Variants in TRAPPC9 observed in about 807,000 individuals in gnomAD.
TRAPPC9 encodes IKK2 binding protein.
A neutral mutation model predicts 124.0 loss-of-function variants in TRAPPC9; 83 were observed. The ratio of observed to expected loss-of-function variants is 0.67; its 90% CI spans 0.56 to 0.80. The LOEUF (loss-of-function observed/expected upper bound fraction) is 0.80. Among genes scored for constraint, TRAPPC9 ranks in the 30% least tolerant of loss-of-function variants. TRAPPC9 has a pLI of 0.00. For synonymous variants in TRAPPC9, 638 were observed against 617.5 expected (o/e 1.03, Z -0.49); for missense variants, 1,302 against 1,508.3 (o/e 0.86, Z 2.27).
At chr8:139,822,178 G>A (rs1231803193) in intron 21 of TRAPPC9, among the ~76,000 whole-genome samples, 1 of 152,136 alleles carries the variant, frequency 6.6e-6, no homozygotes, top group Non-Finnish European at 1.5e-5. Flanking sequence ...CGTGGGGGAG[G>A]AGAGGTGACT....
chr8:140,267,531 G>A (rs990293869), intron 15 of TRAPPC9, among the ~76,000 whole-genome samples: 5 of 152,106 alleles, frequency 3.3e-5, no homozygotes, highest in African/African-American at 7.2e-5. Context: ...ATAAACAGAC[G>A]ACCACCACCG....
At chr8:140,031,894 T>C (rs1427663758) in intron 17 of TRAPPC9, among the ~76,000 whole-genome samples, 6 of 152,164 alleles carry the variant, frequency 3.9e-5, no homozygotes, top group Non-Finnish European at 5.9e-5. Flanking sequence ...GGGGTATGTC[T>C]GGGGACTGTT....
intron 5 of TRAPPC9, among the ~76,000 whole-genome samples, chr8:140,423,606 A>ACAT (rs2070303639): frequency 6.6e-6 from 1 of 151,638 alleles, no homozygotes; most frequent in Admixed American, 6.6e-5. Flanking sequence ...ACACACACAC[A>ACAT]CACATCACAT....
intron 19 of TRAPPC9, among the ~76,000 whole-genome samples, chr8:139,946,575 A>T (rs1834232760): frequency 6.6e-6 from 1 of 152,138 alleles, no homozygotes; most frequent in Non-Finnish European, 1.5e-5. Flanking sequence ...TTAGCAAGGT[A>T]TGCCAGTGTC....
intron 3 of TRAPPC9, among the ~76,000 whole-genome samples, chr8:140,436,115 G>A (rs558073437): frequency 5.3e-4 from 81 of 152,332 alleles, no homozygotes; most frequent in Non-Finnish European, 1.0e-3. Flanking sequence ...GGAAGCCAAG[G>A]TGGGTGGATC....
At chr8:140,029,647 T>C (rs1255879585) in intron 17 of TRAPPC9, among the ~76,000 whole-genome samples, 1 of 149,610 alleles carries the variant, frequency 6.7e-6, no homozygotes, top group Admixed American at 6.7e-5. Context: ...TAAAAATATA[T>C]ATATATATAC....
At chr8:140,124,424 C>T (rs1403527179) in intron 17 of TRAPPC9, among the ~76,000 whole-genome samples, 1 of 152,236 alleles carries the variant, frequency 6.6e-6, no homozygotes, top group Non-Finnish European at 1.5e-5. Flanking sequence ...ACACTGGGCC[C>T]ATCTGGATGA....
intron 19 of TRAPPC9, among the ~76,000 whole-genome samples, chr8:139,917,187 T>C (rs921581659): frequency 5.4e-5 from 8 of 146,792 alleles, no homozygotes; most frequent in Non-Finnish European, 1.0e-4. Context: ...TTTTTTTTTT[T>C]TGTTGAGACG....
chr8:140,185,160 C>T (rs966481371), intron 17 of TRAPPC9, among the ~76,000 whole-genome samples: 4 of 152,150 alleles, frequency 2.6e-5, no homozygotes, highest in South Asian at 2.1e-4. Flanking sequence ...ACGCTGAGTA[C>T]GGTAGAAGAC....
chr8:139,952,588 G>A (rs1320474269), intron 19 of TRAPPC9, among the ~76,000 whole-genome samples: 1 of 152,028 alleles, frequency 6.6e-6, no homozygotes, highest in African/African-American at 2.4e-5. Flanking sequence ...CAAGAAAAGG[G>A]AACAAGAGGA....
intron 7 of TRAPPC9, among the ~76,000 whole-genome samples, chr8:140,389,347 G>A (rs950691568): frequency 6.6e-5 from 10 of 152,166 alleles, no homozygotes; most frequent in Non-Finnish European, 1.5e-4. Flanking sequence ...TAAAAATAAA[G>A]TATATTATAC....
At chr8:139,914,313 G>T (rs1262211081) in intron 19 of TRAPPC9, among the ~76,000 whole-genome samples, 2 of 152,254 alleles carry the variant, frequency 1.3e-5, no homozygotes, top group Non-Finnish European at 2.9e-5. Context: ...CGACCCGCAG[G>T]CAGGGACACC....
intron 21 of TRAPPC9, among the ~76,000 whole-genome samples, chr8:139,798,870 G>A (rs762696815): frequency 1.5e-4 from 23 of 152,248 alleles, no homozygotes; most frequent in Admixed American, 1.0e-3. Context: ...CAGAACCACC[G>A]GGCCGAGTCA....
At chr8:139,856,980 T>C (rs999684088) in intron 21 of TRAPPC9, among the ~76,000 whole-genome samples, 1 of 151,824 alleles carries the variant, frequency 6.6e-6, no homozygotes, top group Non-Finnish European at 1.5e-5. Context: ...CCGGGAGCAC[T>C]GAGGTCTGAG....
intron 2 of TRAPPC9, among the ~76,000 whole-genome samples, chr8:140,442,826 G>A (rs1354991509): frequency 6.6e-5 from 10 of 151,910 alleles, no homozygotes; most frequent in East Asian, 3.9e-4. Context: ...GGTCGGGGAT[G>A]GTATTACACA....
At chr8:140,014,223 G>A (rs1839318669) in intron 18 of TRAPPC9, among the ~76,000 whole-genome samples, 1 of 152,062 alleles carries the variant, frequency 6.6e-6, no homozygotes, top group South Asian at 2.1e-4. Context: ...GTCTAAGAGT[G>A]GATCGTTTAT....
chr8:139,838,319 A>G (rs1018551152), intron 21 of TRAPPC9, among the ~76,000 whole-genome samples: 2 of 152,182 alleles, frequency 1.3e-5, no homozygotes, highest in Non-Finnish European at 2.9e-5. Context: ...GAAGTGTGAC[A>G]TCCTTATGGC....
intron 17 of TRAPPC9, among the ~76,000 whole-genome samples, chr8:140,213,084 AGTTTTTT>A (rs2063102846): frequency 1.9e-5 from 1 of 53,782 alleles, no homozygotes; most frequent in African/African-American, 7.6e-5. Context: ...AAAAAAAAAA[AGTTTTTT>A]TGTTTTTTTG....
intron 18 of TRAPPC9, among the ~76,000 whole-genome samples, chr8:140,017,495 G>T (rs1839545761): frequency 6.6e-6 from 1 of 152,160 alleles, no homozygotes; most frequent in Non-Finnish European, 1.5e-5. Flanking sequence ...CTTTCCCCAT[G>T]AAATTAGTTT....
Sources: gnomAD v4.1 joint callset for allele counts (sites outside exome capture counted in the v4.1 genomes callset) on GRCh38, gnomAD v4.1.1 for gene constraint, MANE v1.5 for transcripts, NCBI Gene and HGNC (gene_info 2026-07-23, HGNC 2026-07-21) for gene names.